Variants in RPTOR observed in about 807,000 individuals in gnomAD.
RPTOR encodes the protein regulatory associated protein of MTOR complex 1, also known as regulatory-associated protein of mTOR.
In RPTOR, 21 loss-of-function variants were observed where a neutral mutation model predicts 169.9. The ratio of observed to expected loss-of-function variants is 0.12; its 90% CI spans 0.09 to 0.18. The LOEUF (loss-of-function observed/expected upper bound fraction) is 0.18. Among genes scored for constraint, RPTOR ranks in the 10% least tolerant of loss-of-function variants. RPTOR has a pLI of 1.00. For missense variants in RPTOR, 1,133 were observed against 1,855.9 expected (o/e 0.61, Z 7.16); for synonymous variants, 732 against 753.2 (o/e 0.97, Z 0.46).
chr17:80,859,252 G>A lies in RPTOR; in HGVS notation c.1509+1352G>A, dbSNP rs9911532. On this transcript the variant is annotated intron_variant, in intron 13 of 33. Transcript: ENST00000306801. Reference sequence around the variant, plus strand: ...AGGAAAATGTGGAAGGCTCAGCTGCGGGAGAACTCTCGAAAGCTCCTCGTG... The same window carrying A: ...AGGAAAATGTGGAAGGCTCAGCTGCAGGAGAACTCTCGAAAGCTCCTCGTG... Among the ~76,000 whole-genome samples, 1,031 of 152,322 alleles carry A rather than the reference G, an allele frequency of 6.8e-3. 17 individuals carry two copies. The highest frequency in any genetic ancestry group is 0.024 in the African/African-American group (980 of 41,562).
At chr17:80,632,432 C>T (rs915414075) in intron 2 of RPTOR, among the ~76,000 whole-genome samples, 1 of 152,134 alleles carries the variant, frequency 6.6e-6, no homozygotes, top group African/African-American at 2.4e-5. Context: ...AGCTCACCGC[C>T]CTCTCCCACA....
In RPTOR at chr17:80,625,705, T is replaced by C; in HGVS notation, c.177T>C (p.Ser59=). The change falls in exon 2 of 34, where the codon AGT becomes AGC. Residue 59 remains serine (S), a synonymous_variant. Transcript: ENST00000306801. ...TGTGTTTTCAGATGAAGACAGTCAG[T>C]GTTGCCTTAGTTTTGTGCCTGAATG... ...WRMKDRMKTV[S]VALVLCLNVG... is the part of the protein sequence containing the mutation. 6.2e-7 allele frequency: 1 copy of C among 1,610,174 alleles called. No individual in the cohort carries two copies. Among genetic ancestry groups the C allele is most frequent in the Non-Finnish European group, 8.5e-7 (1 of 1,176,616 alleles).
chr17:80,699,229 G>C lies in RPTOR; in HGVS notation c.349-8612G>C, dbSNP rs1362954988. 9.2e-5 allele frequency among the ~76,000 whole-genome samples: 14 copies of C among 152,276 alleles called. No homozygotes were observed. In the East Asian group the frequency reaches 2.7e-3, roughly 29 times the overall value. The stretch of plus-strand genomic sequence containing the variant: ...AATAGGAAGTATTTATTCATCATTT[G>C]TATGTGCACAAATATTTATTTAATG... On this transcript the variant is annotated intron_variant, in intron 3 of 33. Transcript: ENST00000306801.
At chr17:80,660,649 G>A (rs561501817) in intron 3 of RPTOR, among the ~76,000 whole-genome samples, 2 of 152,104 alleles carry the variant, frequency 1.3e-5, no homozygotes, top group African/African-American at 4.8e-5. Flanking sequence ...CTACCCTTTT[G>A]CGGCAAGGGA....
chr17:80,821,376 C>T (rs753590197), intron 7 of RPTOR, among the ~76,000 whole-genome samples: 1 of 152,200 alleles, frequency 6.6e-6, no homozygotes, highest in Non-Finnish European at 1.5e-5. Flanking sequence ...AATTGCTGAT[C>T]AGCTAAATCT....
In RPTOR at chr17:80,555,561, G is replaced by A. The variant is rs112142851; in HGVS notation, c.162+9770G>A. 3.6e-3 allele frequency among the ~76,000 whole-genome samples: 549 copies of A among 152,318 alleles called. 2 individuals carry two copies. The highest frequency in any genetic ancestry group is 0.012 in the African/African-American group (510 of 41,560). On this transcript the variant is annotated intron_variant, in intron 1 of 33. Transcript: ENST00000306801. ...GGGAAGTGTCCTGTCTCTCCAGGGC[G>A]CTGCTGCCTAGACAGACTGACAGAC...
At chr17:80,638,211 G>A (rs1456113748) in intron 2 of RPTOR, among the ~76,000 whole-genome samples, 1 of 152,138 alleles carries the variant, frequency 6.6e-6, no homozygotes, top group Non-Finnish European at 1.5e-5. Context: ...TGAAGGAAGA[G>A]CATGAGCCCA....
intron 1 of RPTOR, among the ~76,000 whole-genome samples, chr17:80,574,165 T>C (rs920845549): frequency 8.1e-5 from 12 of 148,330 alleles, no homozygotes; most frequent in South Asian, 2.1e-4. Flanking sequence ...TTTCTTTTTT[T>C]TTTTTTTTTT....
chr17:80,663,847 G>C (rs549098983), intron 3 of RPTOR, among the ~76,000 whole-genome samples: 1 of 151,940 alleles, frequency 6.6e-6, no homozygotes, highest in Non-Finnish European at 1.5e-5. Flanking sequence ...GTGCAAGCAG[G>C]TGTGTGCACA....
chr17:80,760,662 T>G (rs1767955625), intron 6 of RPTOR, among the ~76,000 whole-genome samples: 1 of 152,206 alleles, frequency 6.6e-6, no homozygotes, highest in African/African-American at 2.4e-5. Flanking sequence ...GAGCTATAGC[T>G]TGGCACTTCC....
chr17:80,579,810 C>T (rs531736598), intron 1 of RPTOR, among the ~76,000 whole-genome samples: 26 of 152,240 alleles, frequency 1.7e-4, no homozygotes, highest in Non-Finnish European at 2.8e-4. Context: ...TTACTAGAGT[C>T]GAGGATTTCA....
At chr17:80,903,814 A>G (rs2068506976) in intron 20 of RPTOR, among the ~76,000 whole-genome samples, 1 of 152,170 alleles carries the variant, frequency 6.6e-6, no homozygotes, top group South Asian at 2.1e-4. Flanking sequence ...TTGCAGAAAA[A>G]AAGCCTGGTG....
intron 1 of RPTOR, among the ~76,000 whole-genome samples, chr17:80,616,114 A>G (rs895853807): frequency 5.9e-5 from 9 of 152,156 alleles, no homozygotes; most frequent in African/African-American, 2.2e-4. Context: ...AGCCTGTACC[A>G]TGGGTAACAT....
intron 21 of RPTOR, among the ~76,000 whole-genome samples, chr17:80,920,719 C>G (rs1321954489): frequency 1.3e-5 from 2 of 152,230 alleles, no homozygotes; most frequent in African/African-American, 4.8e-5. Flanking sequence ...GCTCCGTGAG[C>G]GTCTGAGCAT....
At chr17:80,898,248 CTCA>C (rs1369016954) in intron 20 of RPTOR, among the ~76,000 whole-genome samples, 3 of 152,190 alleles carry the variant, frequency 2.0e-5, no homozygotes. Context: ...CTGCAGTATT[CTCA>C]TGAGTCTCTA....
At chr17:80,887,420 C>T (rs1311697730) in intron 17 of RPTOR, among the ~76,000 whole-genome samples, 3 of 151,984 alleles carry the variant, frequency 2.0e-5, no homozygotes, top group African/African-American at 4.8e-5. Flanking sequence ...CCTCCATCCT[C>T]GTCATAGAGT....
intron 6 of RPTOR, among the ~76,000 whole-genome samples, chr17:80,785,861 T>A (rs2066985570): frequency 6.6e-6 from 1 of 152,122 alleles, no homozygotes; most frequent in Non-Finnish European, 1.5e-5. Context: ...GCCACTTATG[T>A]CTTCACCACT....
At chr17:80,963,246 G>A (rs779481871) in intron 33 of RPTOR, among the ~76,000 whole-genome samples, 189 bp downstream of exon 33, 10 of 152,170 alleles carry the variant, frequency 6.6e-5, no homozygotes, top group East Asian at 5.8e-4. Context: ...CACTCGCCCC[G>A]GAAGCAGAGC....
intron 10 of RPTOR, among the ~76,000 whole-genome samples, chr17:80,843,992 C>T (rs1397931756): frequency 1.3e-5 from 2 of 152,196 alleles, no homozygotes; most frequent in African/African-American, 4.8e-5. Flanking sequence ...AGACGCTCAG[C>T]CCAGCAGGAC....
Sources: gnomAD v4.1 joint callset for allele counts (sites outside exome capture counted in the v4.1 genomes callset) on GRCh38, gnomAD v4.1.1 for gene constraint, MANE v1.5 for transcripts, NCBI Gene and HGNC (gene_info 2026-07-23, HGNC 2026-07-21) for gene names.